Variants in SAMD8 observed in about 807,000 individuals in gnomAD.
The protein encoded by SAMD8 is sterile alpha motif domain containing 8.
A neutral mutation model predicts 42.0 loss-of-function variants in SAMD8; 20 were observed. The ratio of observed to expected loss-of-function variants is 0.48; its 90% confidence interval spans 0.34 to 0.69. The LOEUF (loss-of-function observed/expected upper bound fraction) is 0.69, where lower values mean the gene tolerates loss of function less well. Ranked by LOEUF, SAMD8 falls within the 30% of genes least tolerant of loss-of-function variation. SAMD8 has a pLI of 0.01. For synonymous variants in SAMD8, 162 were observed against 173.0 expected (o/e 0.94, Z 0.50); for missense variants, 328 against 511.6 (o/e 0.64, Z 3.46).
exon 1 of SAMD8, chr10:75,099,705 G>T: frequency 2.6e-6 from 1 of 382,426 alleles, no homozygotes; most frequent in Non-Finnish European, 4.3e-6. Context: ...AAACCTCCAT[G>T]AAGATGGGAG....
At chr10:75,124,714 C>G (rs1849089659) in intron 1 of SAMD8, among the ~76,000 whole-genome samples, 1 of 151,676 alleles carries the variant, frequency 6.6e-6, no homozygotes. Flanking sequence ...TTTTTAGAAG[C>G]TGTTTCCTTC....
intron 2 of SAMD8, among the ~76,000 whole-genome samples, chr10:75,155,457 C>CAAA (rs369963500): frequency 9.5e-6 from 1 of 105,708 alleles, no homozygotes; most frequent in Non-Finnish European, 2.0e-5. Flanking sequence ...AGAAGCCAAG[C>CAAA]AAAAAAAAAA....
intron 4 of SAMD8, among the ~76,000 whole-genome samples, chr10:75,174,886 A>G (rs1589981841): frequency 6.6e-6 from 1 of 152,278 alleles, no homozygotes; most frequent in South Asian, 2.1e-4. Context: ...GCTATGGTTT[A>G]ATAAACACAC....
intron 2 of SAMD8, among the ~76,000 whole-genome samples, chr10:75,162,112 A>G (rs1840571016): frequency 3.3e-5 from 5 of 152,300 alleles, no homozygotes; most frequent in Admixed American, 2.6e-4. Flanking sequence ...TAATCCTAGC[A>G]CTTCTGGAGG....
chr10:75,163,434 CTT>C (rs1192751378), intron 2 of SAMD8, among the ~76,000 whole-genome samples: 1 of 151,888 alleles, frequency 6.6e-6, no homozygotes, highest in Non-Finnish European at 1.5e-5. Flanking sequence ...TTTCTTCCCT[CTT>C]TCTTTTTTTC....
chr10:75,147,634 A>G (rs1377888419), intron 1 of SAMD8, among the ~76,000 whole-genome samples: 3 of 152,084 alleles, frequency 2.0e-5, no homozygotes, highest in Non-Finnish European at 4.4e-5. Flanking sequence ...GCTTTGTTTT[A>G]TGTGAAGGAA....
intron 1 of SAMD8, among the ~76,000 whole-genome samples, chr10:75,103,700 C>T (rs1007776766): frequency 1.3e-5 from 2 of 152,242 alleles, no homozygotes; most frequent in Non-Finnish European, 2.9e-5. Context: ...GTCTGAGCTC[C>T]AGGGAGCTAA....
At chr10:75,159,863 C>T (rs1162129069) in intron 2 of SAMD8, among the ~76,000 whole-genome samples, 1 of 152,130 alleles carries the variant, frequency 6.6e-6, no homozygotes, top group African/African-American at 2.4e-5. Flanking sequence ...AGAACATTTC[C>T]CTGTAATTGA....
intron 1 of SAMD8, among the ~76,000 whole-genome samples, chr10:75,120,515 C>T (rs1326592109): frequency 6.6e-6 from 1 of 152,046 alleles, no homozygotes; most frequent in African/African-American, 2.4e-5. Context: ...GTGATCCGCC[C>T]GCCTCAGCCT....
chr10:75,148,346 C>CTTTTTTTT lies in SAMD8; in HGVS notation c.-15-2150_-15-2143dup, dbSNP rs60024591. ...GGGAAAGAATGCAGAGCAATACCAG[C>CTTTTTTTT]TTTTTTTTTTTTTTTTTTTTTTTTT... On this transcript the variant is annotated intron_variant, in intron 1 of 5. Transcript: ENST00000542569. 5.2e-4 allele frequency among the ~76,000 whole-genome samples: 43 copies of CTTTTTTTT among 82,556 alleles called. 1 individual carries two copies. The highest frequency in any genetic ancestry group is 2.1e-3 in the South Asian group (5 of 2,336). The allele number at this position is 82,556 out of a possible 152,430, so 54.2% of individuals were successfully genotyped here.
intron 1 of SAMD8, among the ~76,000 whole-genome samples, chr10:75,124,961 G>GT (rs1192304563): frequency 9.9e-5 from 15 of 151,790 alleles, no homozygotes; most frequent in Non-Finnish European, 1.9e-4. Flanking sequence ...TTGTTTGTTT[G>GT]TTTTTTACAG....
chr10:75,126,960 G>A (rs1849156226), intron 1 of SAMD8, among the ~76,000 whole-genome samples: 1 of 152,106 alleles, frequency 6.6e-6, no homozygotes, highest in South Asian at 2.1e-4. Context: ...AGCCGAGGCG[G>A]GTAGATCACC....
chr10:75,161,778 C>T (rs1461843987), intron 2 of SAMD8, among the ~76,000 whole-genome samples: 3 of 151,590 alleles, frequency 2.0e-5, no homozygotes, highest in South Asian at 2.1e-4. Context: ...CCTTTGGGAG[C>T]GCTTTGGGAG....
At chr10:75,136,275 A>T (rs756989054) in intron 1 of SAMD8, among the ~76,000 whole-genome samples, 2 of 152,152 alleles carry the variant, frequency 1.3e-5, no homozygotes, top group Non-Finnish European at 2.9e-5. Context: ...TTCCCCTGTC[A>T]CTAAGTACTT....
At chr10:75,157,290 T>C (rs1431463252) in intron 2 of SAMD8, among the ~76,000 whole-genome samples, 1 of 151,958 alleles carries the variant, frequency 6.6e-6, no homozygotes, top group African/African-American at 2.4e-5. Context: ...ATATGCTATA[T>C]GATAGCATGT....
rs1190648963 is a variant in SAMD8, at chr10:75,112,665, G to GT, written c.-16+946dup. Among the ~76,000 whole-genome samples, 74 of 152,186 alleles carry GT rather than the reference G, an allele frequency of 4.9e-4. 4 individuals carry two copies. The highest frequency in any genetic ancestry group is 8.8e-5 in the Non-Finnish European group (6 of 68,040). On this transcript the variant is annotated intron_variant, in intron 1 of 5. Coordinates refer to ENST00000542569, the MANE Select transcript of SAMD8 (RefSeq NM_001174156.2). ...TTCATTGTAATTTTTTCGTAGCTAA[G>GT]TTTAAATACCAGACATGTTAAGATC...
At chr10:75,147,686 T>TTA (rs1331636524) in intron 1 of SAMD8, among the ~76,000 whole-genome samples, 11 of 152,298 alleles carry the variant, frequency 7.2e-5, no homozygotes, top group African/African-American at 2.6e-4. Flanking sequence ...ACTACAGAGA[T>TTA]TATAGCATGT....
intron 1 of SAMD8, among the ~76,000 whole-genome samples, chr10:75,105,158 G>A (rs1848418272): frequency 1.3e-5 from 2 of 152,116 alleles, no homozygotes; most frequent in South Asian, 2.1e-4. Context: ...AATTAGCTAA[G>A]CCTGGAAAGT....
Position 75,157,037 on chromosome 10 carries a change from G to A in SAMD8, c.578+5931G>A, listed in dbSNP as rs189880441. 1.2e-3 allele frequency among the ~76,000 whole-genome samples: 179 copies of A among 151,992 alleles called. 1 individual carries two copies. The highest frequency in any genetic ancestry group is 4.2e-3 in the African/African-American group (176 of 41,434). On this transcript the variant is annotated intron_variant, in intron 2 of 5. Transcript: ENST00000542569. Reference sequence around the variant, plus strand: ...ATGTCTGCAACTTACTTCGGGGAGGGGTTCACCTCCCCGAAAAGAGTATGT... The same window carrying A: ...ATGTCTGCAACTTACTTCGGGGAGGAGTTCACCTCCCCGAAAAGAGTATGT...
Sources: gnomAD v4.1 joint callset for allele counts (sites outside exome capture counted in the v4.1 genomes callset) on GRCh38, gnomAD v4.1.1 for gene constraint, MANE v1.5 for transcripts, NCBI Gene and HGNC (gene_info 2026-07-23, HGNC 2026-07-21) for gene names.